CRTC3: variants seen among roughly 807,000 people sequenced by gnomAD.
CRTC3 encodes the protein CREB regulated transcription coactivator 3, also known as CREB-regulated transcription coactivator 3.
A neutral mutation model predicts 74.5 loss-of-function variants in CRTC3; 26 were observed. That is an observed-to-expected ratio of 0.35 (90% CI 0.26 to 0.48). CRTC3 has a LOEUF of 0.48. Ranked by LOEUF, CRTC3 falls within the 20% of genes least tolerant of loss-of-function variation. The probability of loss-of-function intolerance (pLI) is 0.99; values close to 1 mark genes in which losing one functional copy is unlikely to be tolerated. For missense variants in CRTC3, 760 were observed against 787.3 expected (o/e 0.97, Z 0.41); for synonymous variants, 377 against 325.8 (o/e 1.16, Z -1.69).
intron 2 of CRTC3, among the ~76,000 whole-genome samples, chr15:90,544,893 T>G (rs1966841813): frequency 6.6e-6 from 1 of 152,234 alleles, no homozygotes; most frequent in Admixed American, 6.5e-5. Flanking sequence ...TAAAACCATT[T>G]TTAAATGTAT....
chr15:90,638,175 G>C (rs1807685422), intron 11 of CRTC3: 2 of 394,536 alleles, frequency 5.1e-6, no homozygotes, highest in South Asian at 9.5e-5. Context: ...TTTTCACGGA[G>C]AAAACTGAAA....
At chr15:90,635,158 G>A (rs1456573973) in intron 11 of CRTC3, 1 of 563,906 alleles carries the variant, frequency 1.8e-6, no homozygotes, top group Non-Finnish European at 3.2e-6. Flanking sequence ...ATGACATCCA[G>A]TGTCTCCAAA....
intron 7 of CRTC3, 200 bp downstream of exon 7, chr15:90,614,688 T>G (rs1335708446): frequency 1.0e-5 from 5 of 487,270 alleles, no homozygotes; most frequent in Non-Finnish European, 1.8e-5. Context: ...AATATGTGGT[T>G]GCATTACAAA....
At chr15:90,613,707 T>G (rs1968421171) in intron 6 of CRTC3, 1 of 152,232 alleles carries the variant, frequency 6.6e-6, no homozygotes, top group African/African-American at 2.4e-5. Context: ...TTTATAATAA[T>G]GTATCCTGAT....
At chr15:90,583,466 T>A (rs1450782036) in intron 2 of CRTC3, among the ~76,000 whole-genome samples, 1 of 152,154 alleles carries the variant, frequency 6.6e-6, no homozygotes, top group African/African-American at 2.4e-5. Flanking sequence ...CAAGACTTAT[T>A]TGGTCCTTTG....
intron 2 of CRTC3, among the ~76,000 whole-genome samples, chr15:90,559,106 CT>C (rs1163384775): frequency 6.6e-6 from 1 of 152,112 alleles, no homozygotes; most frequent in African/African-American, 2.4e-5. Flanking sequence ...TCCAAGCCCC[CT>C]GGGAGCAAGG....
chr15:90,641,652 G>A (rs959275745), intron 14 of CRTC3, among the ~76,000 whole-genome samples: 3 of 150,806 alleles, frequency 2.0e-5, no homozygotes, highest in Non-Finnish European at 4.4e-5. Flanking sequence ...AGCCGAGATT[G>A]TGCCACTGTA....
At chr15:90,638,370 G>C in intron 11 of CRTC3, 76 bp from the exon 12 acceptor site, 1 of 1,299,874 alleles carries the variant, frequency 7.7e-7, no homozygotes, top group Non-Finnish European at 1.1e-6. Context: ...CTCTCACTCT[G>C]ACATTTCCTA....
intron 9 of CRTC3, 52 bp downstream of exon 9, chr15:90,619,842 C>A: frequency 6.8e-7 from 1 of 1,472,214 alleles, no homozygotes; most frequent in Non-Finnish European, 9.5e-7. Context: ...GAAGGTTTTT[C>A]CCAAAAGTCT....
In CRTC3 at chr15:90,617,937, C is replaced by T; in HGVS notation, c.668C>T (p.Pro223Leu). The change falls in exon 8 of 15, where the codon CCA becomes CTA. Residue 223 changes from proline (P) to leucine (L), a missense_variant. Coordinates refer to ENST00000268184, the MANE Select transcript of CRTC3 (RefSeq NM_022769.5). Reference sequence around the variant, plus strand: ...GAGAATCTGTTAAATGTTCCGAAGCCACTGCCAAAACAACTGTGGGAGACC... The same window carrying T: ...GAGAATCTGTTAAATGTTCCGAAGCTACTGCCAAAACAACTGTGGGAGACC... ...KEENLLNVPK[P>L]LPKQLWETKE... The T allele has an allele frequency of 6.2e-7, 1 of 1,612,762 alleles. No homozygotes were observed. Among genetic ancestry groups the T allele is most frequent in the African/African-American group, 1.3e-5 (1 of 74,946 alleles).
intron 2 of CRTC3, among the ~76,000 whole-genome samples, chr15:90,591,016 G>A (rs1170131474): frequency 1.3e-5 from 2 of 152,068 alleles, no homozygotes; most frequent in African/African-American, 2.4e-5. Context: ...GTGCGGTGGT[G>A]TGATCATAGT....
chr15:90,535,619 C>T (rs928158273), intron 1 of CRTC3, among the ~76,000 whole-genome samples: 1 of 151,876 alleles, frequency 6.6e-6, no homozygotes, highest in African/African-American at 2.4e-5. Context: ...GTTGATTGGA[C>T]TTGAATATTT....
chr15:90,632,369 G>C (rs1230051128), intron 11 of CRTC3, among the ~76,000 whole-genome samples: 1 of 152,108 alleles, frequency 6.6e-6, no homozygotes, highest in African/African-American at 2.4e-5. Flanking sequence ...GCAGAGACTG[G>C]AGGATTGCTT....
chr15:90,619,854 G>A, intron 9 of CRTC3, 64 bp downstream of exon 9: 4 of 1,372,542 alleles, frequency 2.9e-6, no homozygotes, highest in South Asian at 1.2e-5. Flanking sequence ...CAAAAGTCTC[G>A]CTGCTTTGTT....
chr15:90,562,921 G>A (rs912800588), intron 2 of CRTC3, among the ~76,000 whole-genome samples: 2 of 152,136 alleles, frequency 1.3e-5, no homozygotes, highest in Non-Finnish European at 2.9e-5. Flanking sequence ...GGCCACACAG[G>A]CTGTGACTCC....
intron 5 of CRTC3, 125 bp downstream of exon 5, chr15:90,604,572 C>A: frequency 1.4e-6 from 1 of 726,510 alleles, no homozygotes; most frequent in Non-Finnish European, 2.4e-6. Context: ...ATGTTCAAAA[C>A]AAAACCCACC....
At chr15:90,624,495 CCCTGACA>C (rs971359490) in intron 9 of CRTC3, among the ~76,000 whole-genome samples, 1 of 152,164 alleles carries the variant, frequency 6.6e-6, no homozygotes, top group African/African-American at 2.4e-5. Flanking sequence ...TCACCCTCTG[CCCTGACA>C]CCTGACACCT....
At position 90,626,745 on chromosome 15, in the gene CRTC3, G is replaced by A. The variant is rs193214287; in HGVS notation, c.967+752G>A. 4.6e-5 allele frequency among the ~76,000 whole-genome samples: 7 copies of A among 152,158 alleles called. 1 individual carries two copies. The South Asian group carries it at 8.3e-4, about 18-fold the overall frequency. On this transcript the variant is annotated intron_variant, in intron 10 of 14. Coordinates refer to ENST00000268184, the MANE Select transcript of CRTC3 (RefSeq NM_022769.5). ...TTCTGCCTCAGCCTCCAGGGTAGCT[G>A]GGATTACAGGCATGTGCCACGATGC...
Position 90,530,071 on chromosome 15 carries a change from C to T in CRTC3, c.-1C>T, listed in dbSNP as rs1166634213. On this transcript the variant is annotated 5_prime_UTR_variant, in exon 1 of 15. Coordinates refer to ENST00000268184, the MANE Select transcript of CRTC3 (RefSeq NM_022769.5). The surrounding 1 kb of genome is among the most constrained non-coding windows in gnomAD (Gnocchi z 6.2). ...GCTTCTGCCCGCGCAGAGTCCGCGCCATGGCCGCCTCGCCGGGCTCGGGCA... is the reference window on the plus strand; with the variant it reads ...GCTTCTGCCCGCGCAGAGTCCGCGCTATGGCCGCCTCGCCGGGCTCGGGCA... 8 of 1,430,960 alleles carry T rather than the reference C, an allele frequency of 5.6e-6. No homozygotes were observed. The highest frequency in any genetic ancestry group is 7.4e-6 in the Non-Finnish European group (8 of 1,076,136). 88.6% of individuals were successfully genotyped at this position (1,430,960 alleles called of 1,614,324 possible). A position where few individuals can be genotyped will look rare whatever the true frequency, so the allele number is the denominator to read the frequency against.
Sources: allele counts gnomAD v4.1 joint callset (sites outside exome capture counted in the v4.1 genomes callset), GRCh38; gene constraint gnomAD v4.1.1; non-coding constraint Gnocchi (gnomAD v3.1); transcripts MANE v1.5; gene names NCBI Gene and HGNC (gene_info 2026-07-23, HGNC 2026-07-21).